Variants in ABCA10 observed in about 807,000 individuals in gnomAD.
The protein encoded by ABCA10 is ATP binding cassette subfamily A member 10.
In ABCA10, 169 loss-of-function variants were observed where a neutral mutation model predicts 187.5. The observed-to-expected ratio is 0.90, with a 90% confidence interval of 0.80 to 1.02. The LOEUF is 1.02. Ranked by LOEUF, ABCA10 falls within the 50% of genes least tolerant of loss-of-function variation. The pLI is 0.00. For missense variants in ABCA10, 1,727 were observed against 1,812.4 expected (o/e 0.95, Z 0.86); for synonymous variants, 574 against 601.8 (o/e 0.95, Z 0.68).
chr17:69,150,342 TCTTACTTA>T, intron 36 of ABCA10: 1 of 250,838 alleles, frequency 4.0e-6, no homozygotes, highest in Non-Finnish European at 7.7e-6. Context: ...GTGCTATATT[TCTTACTTA>T]CTCTCAAAAA....
At chr17:69,155,450 C>T (rs1206743200) in intron 29 of ABCA10, among the ~76,000 whole-genome samples, 2 of 152,098 alleles carry the variant, frequency 1.3e-5, no homozygotes, top group Non-Finnish European at 1.5e-5. Flanking sequence ...TTCATTTGCT[C>T]TTGTTCATAT....
Position 69,210,865 on chromosome 17 carries a change from T to TATATATATATATATATATA in ABCA10, c.1006+3838_1006+3839insTATATATATATATATATAT, listed in dbSNP as rs1555662878. Among the ~76,000 whole-genome samples the TATATATATATATATATATA allele has an allele frequency of 4.8e-5, 7 of 145,516 alleles. 1 individual carries two copies. Among genetic ancestry groups the TATATATATATATATATATA allele is most frequent in the African/African-American group, 1.9e-4 (7 of 36,934 alleles). On this transcript the variant is annotated intron_variant, in intron 9 of 38. Transcript: ENST00000690296. ...TATGCCACATATATATATATATATA[T>TATATATATATATATATATA]GCCATATTTCCTTTACCCACTCATT...
intron 25 of ABCA10, among the ~76,000 whole-genome samples, chr17:69,165,444 T>G (rs1389375890): frequency 6.6e-6 from 1 of 152,160 alleles, no homozygotes; most frequent in African/African-American, 2.4e-5. Context: ...CTTGGGAACT[T>G]AAAAGGCAAA....
intron 11 of ABCA10, chr17:69,196,238 C>A: frequency 6.2e-6 from 1 of 161,850 alleles, no homozygotes; most frequent in Non-Finnish European, 1.3e-5. Flanking sequence ...GGCGGAGATG[C>A]TCCTCACTTC....
intron 27 of ABCA10, among the ~76,000 whole-genome samples, chr17:69,158,876 T>C (rs1198736345): frequency 6.6e-6 from 1 of 151,998 alleles, no homozygotes; most frequent in Non-Finnish European, 1.5e-5. Flanking sequence ...AATCAGTCCA[T>C]AGATATAAGC....
chr17:69,194,424 G>GT lies in ABCA10; in HGVS notation c.1305dup (p.Leu436ThrfsTer6). 1 of 1,613,032 alleles carries GT rather than the reference G, an allele frequency of 6.2e-7. No individual in the cohort carries two copies. The highest frequency in any genetic ancestry group is 8.5e-7 in the Non-Finnish European group (1 of 1,179,332). On this transcript the variant is annotated frameshift_variant, in exon 12 of 39. Coordinates refer to ENST00000690296, the MANE Select transcript of ABCA10 (RefSeq NM_001377321.1). LOFTEE classifies it high-confidence loss of function. ...GACAATCCACTAAGAATGTTTAGCA[G>GT]TGTTGATTTACCAGCTCCATTATGC...
rs1568065042 is a variant in ABCA10 at position 69,197,020 on chromosome 17, G to GGGGGAC, written c.1234+43_1234+44insGTCCCC. On this transcript the variant is annotated intron_variant, in intron 11 of 38. Transcript: ENST00000690296. ...GAGACCGTGGACAGAGGGAGGGGGA[G>GGGGGAC]GGGGAGAGGGAGAGGGAGAGGGAGA... 4.3e-6 allele frequency: 6 copies of GGGGGAC among 1,408,730 alleles called. No homozygotes were observed. The Admixed American group carries it at 6.1e-5, about 14-fold the overall frequency. 87.3% of individuals were successfully genotyped at this position (1,408,730 alleles called of 1,614,324 possible).
upstream of ABCA10, among the ~76,000 whole-genome samples, chr17:69,231,499 T>G (rs1430361673): frequency 6.6e-6 from 1 of 152,172 alleles, no homozygotes; most frequent in Non-Finnish European, 1.5e-5. Context: ...TTCTAAATAT[T>G]TTCCTTTTTA....
At chr17:69,201,475 C>T (rs776958892) in intron 10 of ABCA10, 25 bp downstream of exon 10, 4 of 1,542,442 alleles carry the variant, frequency 2.6e-6, no homozygotes, top group Non-Finnish European at 3.5e-6. Context: ...TATAAGTGTA[C>T]ATAGTCATGT....
chr17:69,179,906 CCCA>C (rs1164677315), intron 22 of ABCA10, among the ~76,000 whole-genome samples: 1 of 152,120 alleles, frequency 6.6e-6, no homozygotes, highest in Non-Finnish European at 1.5e-5. Flanking sequence ...ACTCAGTAAA[CCCA>C]GCATACATTC....
Position 69,193,513 on chromosome 17 carries a change from C to T in ABCA10, c.1621G>A (p.Ala541Thr), listed in dbSNP as rs1396722653. 1 of 1,613,272 alleles carries T rather than the reference C, an allele frequency of 6.2e-7. No individual in the cohort carries two copies. Among genetic ancestry groups the T allele is most frequent in the South Asian group, 1.1e-5 (1 of 90,874 alleles). Residue 541 changes from alanine to threonine, a missense_variant, in exon 14 of 39, where the codon GCC becomes ACC. Physicochemically the swap from Ala to Thr is moderately conservative, Grantham distance 58. Coordinates refer to ENST00000690296, the MANE Select transcript of ABCA10 (RefSeq NM_001377321.1). ...CTCACCTGAGGATCTCCTAAGATGG[C>T]AATCCCTAGTGTTAGTTTTCTCTTC... ...GQKRKLTLGI[A>T]ILGDPQVLLL...
At chr17:69,156,726 CCT>C in intron 28 of ABCA10, 104 bp downstream of exon 28, 2 of 606,444 alleles carry the variant, frequency 3.3e-6, no homozygotes, top group Non-Finnish European at 4.9e-6. Context: ...AACCTGAAAC[CCT>C]GTTTCTATTT....
At chr17:69,162,490 G>A (rs1162918260) in intron 27 of ABCA10, among the ~76,000 whole-genome samples, 1 of 152,140 alleles carries the variant, frequency 6.6e-6, no homozygotes, top group Non-Finnish European at 1.5e-5. Flanking sequence ...TTTACTAGAA[G>A]GTCCTTCTCC....
At position 69,192,046 on chromosome 17, in the gene ABCA10, C is replaced by T. The variant is rs148714508; in HGVS notation, c.1871+517G>A. Among the ~76,000 whole-genome samples the T allele has an allele frequency of 7.9e-4, 121 of 152,260 alleles. 3 individuals are homozygous for T. The East Asian group carries it at 0.016, about 20-fold the overall frequency. On this transcript the variant is annotated intron_variant, in intron 16 of 38. Transcript: ENST00000690296. ...ATTGGCTTAAAAATGTCGTATAGGC[C>T]GGGCGCGGTGGCTCATGCCTGTAAT...
At chr17:69,151,956 T>C in intron 36 of ABCA10, 87 bp downstream of exon 36, 3 of 1,516,692 alleles carry the variant, frequency 2.0e-6, no homozygotes, top group Non-Finnish European at 2.6e-6. Flanking sequence ...TCTGCCTTTC[T>C]CTTCCGGTTT....
At chr17:69,232,470 T>C (rs893365754), upstream of ABCA10, among the ~76,000 whole-genome samples, 10 of 152,138 alleles carry the variant, frequency 6.6e-5, no homozygotes, top group African/African-American at 2.4e-4. Context: ...ATAACTTAAC[T>C]TTGATAGCAA....
chr17:69,231,900 T>G (rs530198986), upstream of ABCA10, among the ~76,000 whole-genome samples: 54 of 152,284 alleles, frequency 3.5e-4, no homozygotes, highest in African/African-American at 1.3e-3. Context: ...TTTAGATCTA[T>G]TTATATTTGC....
rs1000247229 is a variant in ABCA10 at position 69,191,310 on chromosome 17, T to C, written c.1877A>G (p.His626Arg). Residue 626 changes from histidine to arginine, a missense_variant, in exon 17 of 39, where the codon CAC becomes CGC. Coordinates refer to ENST00000690296, the MANE Select transcript of ABCA10 (RefSeq NM_001377321.1). ...TTCTGTGTCACACATTTCATTCCTGTGTAAACTATTATTTCAAAAGAGCCA... is the reference window on the plus strand; with the variant it reads ...TTCTGTGTCACACATTTCATTCCTGCGTAAACTATTATTTCAAAAGAGCCA... Reference protein sequence around the residue: ...KWGIGYHLSLHRNEMCDTEKI... With the variant: ...KWGIGYHLSLRRNEMCDTEKI... 42 of 1,548,326 alleles carry C rather than the reference T, an allele frequency of 2.7e-5. No homozygotes were observed. The highest frequency in any genetic ancestry group is 3.6e-5 in the Non-Finnish European group (41 of 1,143,820).
chr17:69,155,557 C>T (rs73356161), intron 29 of ABCA10, among the ~76,000 whole-genome samples: 5,065 of 152,070 alleles, frequency 0.033, 275 homozygotes, highest in African/African-American at 0.12. Flanking sequence ...TTAAAAAATT[C>T]GAGAACTTGT....
Sources: gnomAD v4.1 joint callset for allele counts (sites outside exome capture counted in the v4.1 genomes callset) on GRCh38, gnomAD v4.1.1 for gene constraint, MANE v1.5 for transcripts, NCBI Gene and HGNC (gene_info 2026-07-23, HGNC 2026-07-21) for gene names.